IARS2: variants seen among roughly 807,000 people sequenced by gnomAD.
The protein encoded by IARS2 is isoleucyl-tRNA synthetase 2, mitochondrial.
A neutral mutation model predicts 126.3 loss-of-function variants in IARS2; 56 were observed. The ratio of observed to expected loss-of-function variants is 0.44; its 90% CI spans 0.36 to 0.55. The LOEUF is 0.55. Ranked by LOEUF, IARS2 falls within the 20% of genes least tolerant of loss-of-function variation. IARS2 has a pLI of 0.00. For synonymous variants in IARS2, 407 were observed against 441.1 expected (o/e 0.92, Z 0.97); for missense variants, 1,127 against 1,245.9 (o/e 0.90, Z 1.44).
chr1:220,131,821 G>A (rs1215317998), intron 14 of IARS2, among the ~76,000 whole-genome samples: 24 of 126,734 alleles, frequency 1.9e-4, no homozygotes, highest in Admixed American at 1.5e-3. Flanking sequence ...TTTTTGAGAT[G>A]GAGTCTCACT....
chr1:220,099,751 T>C (rs1043293420), intron 2 of IARS2, among the ~76,000 whole-genome samples: 7 of 152,274 alleles, frequency 4.6e-5, no homozygotes, highest in African/African-American at 1.7e-4. Context: ...ATTTAAATAA[T>C]ATACCCAGAG....
At chr1:220,144,343 C>T (rs1368789526) in intron 21 of IARS2, 18 of 723,048 alleles carry the variant, frequency 2.5e-5, no homozygotes, top group Admixed American at 5.7e-5. Context: ...GACATTCATG[C>T]GCACCATTGT....
chr1:220,097,834 T>C (rs1656479206), intron 2 of IARS2, among the ~76,000 whole-genome samples: 1 of 152,170 alleles, frequency 6.6e-6, no homozygotes, highest in Admixed American at 6.6e-5. Flanking sequence ...CCATGTGGAT[T>C]GAGGACAAAG....
intron 12 of IARS2, among the ~76,000 whole-genome samples, chr1:220,119,734 T>C (rs374970733): frequency 2.6e-5 from 4 of 152,074 alleles, no homozygotes; most frequent in African/African-American, 7.2e-5. Flanking sequence ...CATAATGATA[T>C]ACAAAAGAAG....
Position 220,145,538 on chromosome 1 carries a change from C to T in IARS2, c.2781C>T (p.Thr927=), listed in dbSNP as rs765803697. ...TGCAGTCTGAAGAGACTTCCAGCAC[C>T]TCTCAGTTGAATGAATTAATGATGG... is the stretch of plus-strand genomic sequence containing the variant. The part of the protein sequence containing the change: ...EMLQSEETSS[T]SQLNELMMAS... Residue 927 remains threonine, a synonymous_variant, in exon 22 of 23, where the codon ACC becomes ACT. Coordinates refer to ENST00000366922, the MANE Select transcript of IARS2 (RefSeq NM_018060.4). The T allele has an allele frequency of 2.4e-5, 38 of 1,613,234 alleles. No individual in the cohort carries two copies. The highest frequency in any genetic ancestry group is 2.2e-4 in the Admixed American group (13 of 59,978).
chr1:220,139,498 CCTA>C (rs1657445317), intron 18 of IARS2, among the ~76,000 whole-genome samples: 1 of 152,156 alleles, frequency 6.6e-6, no homozygotes, highest in Non-Finnish European at 1.5e-5. Flanking sequence ...ACCTATAAAT[CCTA>C]CTACTTTGGG....
Position 220,110,824 on chromosome 1 carries a change from G to A in IARS2, c.1366G>A (p.Glu456Lys). 1 of 1,612,070 alleles carries A rather than the reference G, an allele frequency of 6.2e-7. No homozygotes were observed. The highest frequency in any genetic ancestry group is 8.5e-7 in the Non-Finnish European group (1 of 1,178,618). Residue 456 changes from glutamate to lysine, a missense_variant, in exon 11 of 23, where the codon GAG (glutamate) becomes AAG (lysine). Physicochemically the swap from Glu to Lys is moderately conservative, Grantham distance 56. Transcript: ENST00000366922. Reference protein sequence around the residue: ...MLQTAKNLLKEEKLVHSYPYD... With the variant: ...MLQTAKNLLKKEKLVHSYPYD... The stretch of plus-strand genomic sequence containing the variant: ...TCAGACTGCAAAGAATTTGTTGAAA[G>A]AGGAGAAATTGGTGCATAGCTATCC...
intron 14 of IARS2, among the ~76,000 whole-genome samples, chr1:220,133,277 G>A (rs1657307167): frequency 6.6e-6 from 1 of 151,886 alleles, no homozygotes; most frequent in Non-Finnish European, 1.5e-5. Flanking sequence ...AAGGGCTGGG[G>A]TTACAGGCAC....
intron 12 of IARS2, among the ~76,000 whole-genome samples, chr1:220,124,133 G>A (rs1045590211): frequency 2.0e-5 from 3 of 152,150 alleles, no homozygotes; most frequent in Non-Finnish European, 4.4e-5. Context: ...TATATGTACT[G>A]TGACTAAATG....
At chr1:220,126,927 CTT>C (rs1657167651) in intron 14 of IARS2, 84 bp downstream of exon 14, 1 of 951,088 alleles carries the variant, frequency 1.1e-6, no homozygotes. Context: ...TAATCAAACT[CTT>C]TTTCTGTGTG....
chr1:220,142,017 C>A, intron 20 of IARS2, 69 bp downstream of exon 20: 1 of 1,457,032 alleles, frequency 6.9e-7, no homozygotes. Context: ...CTACTTCTAT[C>A]TGCTTCATAA....
Position 220,114,483 on chromosome 1 carries a change from CT to C in IARS2, c.1640+12del. 6.3e-7 allele frequency: 1 copy of C among 1,585,888 alleles called. No homozygotes were observed. The highest frequency in any genetic ancestry group is 8.5e-7 in the Non-Finnish European group (1 of 1,170,506). On this transcript the variant is annotated intron_variant, in intron 12 of 22. Transcript: ENST00000366922. Reference sequence around the variant, plus strand: ...GAATACTTGATCAACAGGTAGAATGCTTTCTAAAATTTTTTAGTGTTTTAAA... The same window carrying C: ...GAATACTTGATCAACAGGTAGAATGCTTCTAAAATTTTTTAGTGTTTTAAA...
Position 220,122,629 on chromosome 1 carries a change from C to G in IARS2, c.1641-2608C>G, listed in dbSNP as rs145182317. On this transcript the variant is annotated intron_variant, in intron 12 of 22. Transcript: ENST00000366922. Reference sequence around the variant, plus strand: ...CTAAGGTGCAGAACAAATCATTTCTCAAGACCCACTGTGTATTTCTGTGAA... The same window carrying G: ...CTAAGGTGCAGAACAAATCATTTCTGAAGACCCACTGTGTATTTCTGTGAA... Among the ~76,000 whole-genome samples, 793 of 152,322 alleles carry G rather than the reference C, an allele frequency of 5.2e-3. 5 individuals are homozygous for G. Among genetic ancestry groups the G allele is most frequent in the African/African-American group, 0.018 (759 of 41,576 alleles).
intron 17 of IARS2, among the ~76,000 whole-genome samples, chr1:220,138,302 C>G (rs1043124086): frequency 1.2e-4 from 18 of 152,004 alleles, no homozygotes; most frequent in Non-Finnish European, 2.5e-4. Context: ...GAAACCCTGT[C>G]TCTACTAAAA....
At chr1:220,106,979 T>C in intron 9 of IARS2, 82 bp from the exon 10 acceptor site, 1 of 964,292 alleles carries the variant, frequency 1.0e-6, no homozygotes, top group Non-Finnish European at 1.7e-6. Context: ...TACTGAGATG[T>C]TTTTATATAT....
At chr1:220,134,210 ATC>A (rs1657322162) in intron 14 of IARS2, among the ~76,000 whole-genome samples, 190 bp from the exon 15 acceptor site, 2 of 152,310 alleles carry the variant, frequency 1.3e-5, no homozygotes, top group Non-Finnish European at 2.9e-5. Flanking sequence ...CACGTGATAC[ATC>A]TCTGTCCCAT....
rs562409240 is a variant in IARS2 at position 220,126,198 on chromosome 1, C to A, written c.1744-552C>A. ...GCCGAGGCAGGAGAATCACTTGAAC[C>A]CAGGAGACGGAGGTTGCAGTGAGCC... On this transcript the variant is annotated intron_variant, in intron 13 of 22. Coordinates refer to ENST00000366922, the MANE Select transcript of IARS2 (RefSeq NM_018060.4). Among the ~76,000 whole-genome samples the A allele has an allele frequency of 2.6e-5, 4 of 152,158 alleles. No homozygotes were observed. The East Asian group carries it at 7.7e-4, about 29-fold the overall frequency.
At position 220,143,986 on chromosome 1, in the gene IARS2, C is replaced by A. The variant is rs569899065; in HGVS notation, c.2751+852C>A. The stretch of plus-strand genomic sequence containing the variant: ...GAAAAAGAATCCCAGGATTTTCCCT[C>A]CTGTGTGTTTTCATCTTGCTTCTTC... On this transcript the variant is annotated intron_variant, in intron 21 of 22. Coordinates refer to ENST00000366922, the MANE Select transcript of IARS2 (RefSeq NM_018060.4). The A allele has an allele frequency of 2.3e-5, 35 of 1,513,550 alleles. No homozygotes were observed. In the South Asian group the frequency reaches 3.8e-4, roughly 17 times the overall value. The allele number at this position is 1,513,550 out of a possible 1,614,324, so 93.8% of individuals were successfully genotyped here.
At chr1:220,125,945 A>G (rs1206880464) in intron 13 of IARS2, among the ~76,000 whole-genome samples, 1 of 151,350 alleles carries the variant, frequency 6.6e-6, no homozygotes, top group African/African-American at 2.4e-5. Flanking sequence ...CCTCTACTAA[A>G]AATACAAAAA....
Sources: gnomAD v4.1 joint callset for allele counts (sites outside exome capture counted in the v4.1 genomes callset) on GRCh38, gnomAD v4.1.1 for gene constraint, MANE v1.5 for transcripts, NCBI Gene and HGNC (gene_info 2026-07-23, HGNC 2026-07-21) for gene names.